The following BMPER variants were observed in gnomAD, a reference collection of about 807,000 sequenced individuals.
BMPER encodes the protein BMP-binding endothelial regulator protein.
A neutral mutation model predicts 87.3 loss-of-function variants in BMPER; 45 were observed. That is an observed-to-expected ratio of 0.52 (90% CI 0.41 to 0.66). BMPER has a LOEUF of 0.66. Among genes scored for constraint, BMPER ranks in the 30% least tolerant of loss-of-function variants. The pLI is 0.00. For synonymous variants in BMPER, 326 were observed against 316.2 expected, an observed-to-expected ratio of 1.03 and a Z score of -0.33; for missense variants, 784 against 867.5, an observed-to-expected ratio of 0.90 and a Z score of 1.21.
At chr7:33,993,892 G>T (rs1342899656) in intron 6 of BMPER, among the ~76,000 whole-genome samples, 7 of 152,210 alleles carry the variant, frequency 4.6e-5, no homozygotes, top group Non-Finnish European at 7.3e-5. Context: ...TGAGGTGTCA[G>T]TGTGCCCCTG....
intron 13 of BMPER, among the ~76,000 whole-genome samples, chr7:34,137,600 C>T (rs943621592): frequency 6.6e-6 from 1 of 152,186 alleles, no homozygotes; most frequent in African/African-American, 2.4e-5. Flanking sequence ...ACATGGGACC[C>T]TATAGGGAGT....
At position 33,968,170 on chromosome 7, in the gene BMPER, G is replaced by A. The variant is rs1276969653; in HGVS notation, c.402+1609G>A. Among the ~76,000 whole-genome samples the A allele has an allele frequency of 2.0e-5, 3 of 152,154 alleles. No individual in the cohort carries two copies. The East Asian group carries it at 5.8e-4, about 29-fold the overall frequency. ...TGACCTGTAAAATGGGGAAGAGAAA[G>A]TTGATGTTACCTACCCAAGAGGAAG... On this transcript the variant is annotated intron_variant, in intron 4 of 14. Transcript: ENST00000649409.
chr7:34,121,923 G>A (rs1352275660), intron 13 of BMPER, among the ~76,000 whole-genome samples: 1 of 151,566 alleles, frequency 6.6e-6, no homozygotes, highest in Non-Finnish European at 1.5e-5. Context: ...GAGTTCAAGA[G>A]CAGCCTGGGC....
At chr7:33,970,443 C>G in intron 5 of BMPER, 24 bp downstream of exon 5, 1 of 1,601,600 alleles carries the variant, frequency 6.2e-7, no homozygotes, top group Non-Finnish European at 8.6e-7. Context: ...GAAGGGGAGG[C>G]TGGAAATCTC....
At chr7:33,987,170 T>C (rs1786033682) in intron 6 of BMPER, among the ~76,000 whole-genome samples, 1 of 152,214 alleles carries the variant, frequency 6.6e-6, no homozygotes, top group African/African-American at 2.4e-5. Context: ...ATCTTTTGAA[T>C]GAATTGATTA....
chr7:34,032,386 T>G (rs1356131914), intron 6 of BMPER, among the ~76,000 whole-genome samples: 1 of 152,110 alleles, frequency 6.6e-6, no homozygotes, highest in African/African-American at 2.4e-5. Context: ...TTAAAGTCAT[T>G]ATTTTTCCTC....
intron 6 of BMPER, among the ~76,000 whole-genome samples, chr7:34,024,396 T>A (rs1300107924): frequency 0.01 from 126 of 12,386 alleles, no homozygotes; most frequent in African/African-American, 0.047. Context: ...TATATATATA[T>A]ATATATATAT....
chr7:34,024,128 T>C (rs868694432), intron 6 of BMPER, among the ~76,000 whole-genome samples: 1 of 150,956 alleles, frequency 6.6e-6, no homozygotes, highest in Non-Finnish European at 1.5e-5. Flanking sequence ...TTAATATGTG[T>C]GGGTGGATCA....
At chr7:34,079,529 T>G (rs1029863079) in intron 12 of BMPER, among the ~76,000 whole-genome samples, 1 of 152,208 alleles carries the variant, frequency 6.6e-6, no homozygotes, top group Admixed American at 6.5e-5. Context: ...TTTGTTGCTC[T>G]TTTAGGCCGT....
chr7:34,083,324 A>G (rs148601192), intron 12 of BMPER, among the ~76,000 whole-genome samples: 2 of 152,270 alleles, frequency 1.3e-5, no homozygotes, highest in African/African-American at 4.8e-5. Context: ...CCCTTCTCTC[A>G]TACCTGGTCC....
At chr7:33,937,646 G>A in intron 3 of BMPER, 1 of 488,504 alleles carries the variant, frequency 2.0e-6, no homozygotes, top group South Asian at 2.1e-5. Context: ...GTTTTCTAAG[G>A]CAGGTTGTTA....
chr7:34,105,123 C>T (rs1056802631), intron 13 of BMPER, among the ~76,000 whole-genome samples: 3 of 152,168 alleles, frequency 2.0e-5, no homozygotes, highest in Non-Finnish European at 4.4e-5. Flanking sequence ...AATGTGTCTA[C>T]ATGTTCTGGG....
rs1786911841 is a variant in BMPER at position 34,012,589 on chromosome 7, T to TAGAATAAGTAGAATAATTTTCAA, written c.577-33717_577-33716insAGAATAAGTAGAATAATTTTCAA. Among the ~76,000 whole-genome samples, 4 of 151,882 alleles carry TAGAATAAGTAGAATAATTTTCAA rather than the reference T, an allele frequency of 2.6e-5. No homozygotes were observed. In the South Asian group the frequency reaches 8.3e-4, roughly 31 times the overall value. On this transcript the variant is annotated intron_variant, in intron 6 of 14. Coordinates refer to ENST00000649409, the MANE Select transcript of BMPER (RefSeq NM_001365308.1). ...AGACACAATTTTTTTCTATACCCCT[T>TAGAATAAGTAGAATAATTTTCAA]CTTAGAGTGCAGTTGGGTGAGATGG...
intron 10 of BMPER, among the ~76,000 whole-genome samples, chr7:34,059,529 C>T (rs1788376703): frequency 1.3e-5 from 2 of 150,538 alleles, no homozygotes; most frequent in Admixed American, 1.3e-4. Flanking sequence ...CCACCCCCTC[C>T]ACGCCTTGTC....
At chr7:34,042,602 G>T (rs1787860685) in intron 6 of BMPER, 1 of 152,182 alleles carries the variant, frequency 6.6e-6, no homozygotes, top group Admixed American at 6.5e-5. Context: ...ACGGTAAGTG[G>T]ATGAGACAGC....
upstream of BMPER, chr7:33,905,452 CTCA>C: frequency 1.4e-5 from 6 of 424,198 alleles, no homozygotes; most frequent in Non-Finnish European, 2.2e-5. Context: ...CCCGCCCTCC[CTCA>C]CACCCCCCCG....
chr7:34,117,444 C>T (rs10231797), intron 13 of BMPER, among the ~76,000 whole-genome samples: 1 of 152,086 alleles, frequency 6.6e-6, no homozygotes, highest in Non-Finnish European at 1.5e-5. Context: ...GTCCCAGGCC[C>T]CTTCTGGGTA....
intron 6 of BMPER, among the ~76,000 whole-genome samples, chr7:34,038,719 T>G (rs926090843): frequency 4.6e-5 from 7 of 152,178 alleles, no homozygotes; most frequent in African/African-American, 1.7e-4. Flanking sequence ...GTCAGCCCCA[T>G]AGACCCTTTC....
intron 3 of BMPER, among the ~76,000 whole-genome samples, chr7:33,946,914 G>A (rs926605581): frequency 2.6e-5 from 4 of 152,088 alleles, no homozygotes; most frequent in Admixed American, 6.6e-5. Flanking sequence ...GTGAATCCAC[G>A]GGCCAGGTAT....
Sources: gnomAD v4.1 joint callset for allele counts (sites outside exome capture counted in the v4.1 genomes callset) on GRCh38, gnomAD v4.1.1 for gene constraint, MANE v1.5 for transcripts, NCBI Gene and HGNC (gene_info 2026-07-23, HGNC 2026-07-21) for gene names.